FHIT: variants seen among roughly 807,000 people sequenced by gnomAD.
FHIT encodes fragile histidine triad diadenosine triphosphatase, also known as bis(5'-adenosyl)-triphosphatase.
FHIT carries 19 observed loss-of-function variants against 17.9 expected under a neutral mutation model. The observed-to-expected ratio is 1.06, with a 90% CI of 0.74 to 1.56. The LOEUF (loss-of-function observed/expected upper bound fraction) is 1.56. Ranked by LOEUF, FHIT falls within the 40% of genes most tolerant of loss-of-function variation. The pLI, the probability that FHIT is intolerant of heterozygous loss-of-function variation, is 0.00. For missense variants in FHIT, 248 were observed against 189.2 expected, an observed-to-expected ratio of 1.31 and a Z score of -1.82; for synonymous variants, 81 against 69.7, an observed-to-expected ratio of 1.16 and a Z score of -0.81.
At chr3:61,236,527 T>G (rs749786650) in intron 1 of FHIT, among the ~76,000 whole-genome samples, 15 of 152,196 alleles carry the variant, frequency 9.9e-5, no homozygotes, top group Admixed American at 2.0e-4. Flanking sequence ...AACAGCTCAT[T>G]AGGTCCCTGA....
chr3:60,623,631 G>T (rs1404174669), intron 4 of FHIT, among the ~76,000 whole-genome samples: 1 of 152,148 alleles, frequency 6.6e-6, no homozygotes, highest in Non-Finnish European at 1.5e-5. Flanking sequence ...AGAGGCACTG[G>T]GTGATACATA....
intron 8 of FHIT, among the ~76,000 whole-genome samples, chr3:59,875,582 G>C (rs1392950265): frequency 2.0e-5 from 3 of 152,152 alleles, no homozygotes; most frequent in Non-Finnish European, 4.4e-5. Context: ...GATATCAGGA[G>C]CATCTAGATA....
chr3:59,757,475 A>G (rs1315159509), intron 8 of FHIT, among the ~76,000 whole-genome samples: 2 of 146,796 alleles, frequency 1.4e-5, no homozygotes, highest in Non-Finnish European at 3.0e-5. Flanking sequence ...ATCACAAGGT[A>G]TATGGGGTAA....
At chr3:59,929,362 G>GTTTTTTTTTTTTTTTTTTTTT (rs1559740305) in intron 7 of FHIT, among the ~76,000 whole-genome samples, 2 of 92,036 alleles carry the variant, frequency 2.2e-5, no homozygotes, top group Non-Finnish European at 2.4e-5. Context: ...TTGTTTTTTT[G>GTTTTTTTTTTTTTTTTTTTTT]GTTTTTTTTT....
intron 5 of FHIT, among the ~76,000 whole-genome samples, chr3:60,040,117 C>T (rs568237216): frequency 7.2e-5 from 11 of 151,916 alleles, no homozygotes; most frequent in Admixed American, 7.2e-4. Flanking sequence ...TTGATGTCAC[C>T]TAATGAATAA....
chr3:61,008,837 G>C (rs1473681813), intron 3 of FHIT, among the ~76,000 whole-genome samples: 1 of 152,126 alleles, frequency 6.6e-6, no homozygotes, highest in Admixed American at 6.6e-5. Context: ...ATCATGTGAA[G>C]GCACCAACAT....
At chr3:60,379,701 T>C (rs985480856) in intron 5 of FHIT, among the ~76,000 whole-genome samples, 5 of 152,334 alleles carry the variant, frequency 3.3e-5, no homozygotes, top group Non-Finnish European at 7.4e-5. Context: ...TCCTATTTAT[T>C]GTCACAATAA....
Position 59,887,457 on chromosome 3 carries a change from C to T in FHIT, c.348+34889G>A, listed in dbSNP as rs77645003. ...AATGAGAAAGTGCAAATACAGCCCC[C>T]TCTGGCTGCAGCAGTCAGAGAGCCA... is the stretch of plus-strand genomic sequence containing the variant. On this transcript the variant is annotated intron_variant, in intron 8 of 9. Coordinates refer to ENST00000492590, the MANE Select transcript of FHIT (RefSeq NM_002012.4). 1.9e-3 allele frequency among the ~76,000 whole-genome samples: 292 copies of T among 152,256 alleles called. 2 individuals are homozygous for T. Among genetic ancestry groups the T allele is most frequent in the African/African-American group, 6.9e-3 (285 of 41,552 alleles).
chr3:60,309,539 G>A (rs1017116701), intron 5 of FHIT, among the ~76,000 whole-genome samples: 14 of 152,094 alleles, frequency 9.2e-5, no homozygotes, highest in African/African-American at 3.4e-4. Context: ...TGTGACAGAG[G>A]ACTTTTTACC....
intron 3 of FHIT, among the ~76,000 whole-genome samples, chr3:60,842,280 G>A (rs916189011): frequency 2.6e-5 from 4 of 151,608 alleles, no homozygotes; most frequent in African/African-American, 4.9e-5. Context: ...ACTGTTATCC[G>A]AGTCTGCCTT....
intron 5 of FHIT, among the ~76,000 whole-genome samples, chr3:60,178,703 T>C (rs1701791230): frequency 6.6e-6 from 1 of 152,212 alleles, no homozygotes; most frequent in Admixed American, 6.5e-5. Flanking sequence ...ACGTTGTTTT[T>C]CGTCCATTAG....
At chr3:59,890,492 C>A (rs1282644046) in intron 8 of FHIT, among the ~76,000 whole-genome samples, 1 of 152,100 alleles carries the variant, frequency 6.6e-6, no homozygotes, top group Non-Finnish European at 1.5e-5. Flanking sequence ...TGTGCTGCCT[C>A]GGTTCATTTC....
intron 3 of FHIT, among the ~76,000 whole-genome samples, chr3:60,952,750 G>C (rs530853492): frequency 1.3e-5 from 2 of 152,292 alleles, no homozygotes; most frequent in South Asian, 2.1e-4. Flanking sequence ...TATCATCAAG[G>C]ATGGGAAAAT....
chr3:59,947,461 T>C (rs1482284244), intron 7 of FHIT, among the ~76,000 whole-genome samples: 1 of 152,168 alleles, frequency 6.6e-6, no homozygotes, highest in Non-Finnish European at 1.5e-5. Context: ...AAGACCCAAT[T>C]TATGGTTTTG....
chr3:60,869,689 G>C (rs1417021458), intron 3 of FHIT, among the ~76,000 whole-genome samples: 1 of 152,100 alleles, frequency 6.6e-6, no homozygotes, highest in African/African-American at 2.4e-5. Context: ...TACAAAGATG[G>C]AAGATAGTTC....
At chr3:61,157,788 T>C (rs1049073584) in intron 2 of FHIT, among the ~76,000 whole-genome samples, 1 of 152,148 alleles carries the variant, frequency 6.6e-6, no homozygotes, top group Non-Finnish European at 1.5e-5. Context: ...GCACCATTCA[T>C]AGAAGAAAAT....
intron 4 of FHIT, among the ~76,000 whole-genome samples, chr3:60,599,298 A>C (rs1385218743): frequency 1.3e-5 from 2 of 152,310 alleles, no homozygotes; most frequent in East Asian, 3.9e-4. Context: ...GTCTAGAGAG[A>C]TTAGGTGATA....
At chr3:60,527,402 A>C (rs1332475142) in intron 5 of FHIT, among the ~76,000 whole-genome samples, 1 of 152,196 alleles carries the variant, frequency 6.6e-6, no homozygotes, top group African/African-American at 2.4e-5. Context: ...AAATCTCTTG[A>C]ACTGAAAATT....
At chr3:61,036,687 G>A (rs570622929) in intron 3 of FHIT, among the ~76,000 whole-genome samples, 1 of 152,238 alleles carries the variant, frequency 6.6e-6, no homozygotes, top group Admixed American at 6.5e-5. Flanking sequence ...GCATTATGTT[G>A]GGGAAGTTTG....
Sources: allele counts gnomAD v4.1 joint callset (sites outside exome capture counted in the v4.1 genomes callset), GRCh38; gene constraint gnomAD v4.1.1; transcripts MANE v1.5; gene names NCBI Gene and HGNC (gene_info 2026-07-23, HGNC 2026-07-21).